The following CASK variants were observed in gnomAD, a reference collection of about 807,000 sequenced individuals.
CASK encodes calcium/calmodulin dependent serine protein kinase, also known as peripheral plasma membrane protein CASK.
CASK carries 4 observed loss-of-function variants against 82.9 expected under a neutral mutation model. That is an observed-to-expected ratio of 0.05 (90% confidence interval 0.02 to 0.11). The LOEUF is 0.11. Among genes scored for constraint, CASK ranks in the 10% least tolerant of loss-of-function variants. CASK has a pLI of 1.00. For synonymous variants in CASK, 259 were observed against 253.5 expected, an observed-to-expected ratio of 1.02 and a Z score of -0.20; for missense variants, 358 against 720.9, an observed-to-expected ratio of 0.50 and a Z score of 5.76.
chrX:41,622,389 T>A, intron 11 of CASK, among the ~76,000 whole-genome samples: 1 of 112,518 alleles, frequency 8.9e-6, no homozygotes, highest in East Asian at 2.8e-4. Flanking sequence ...TTTAACACTG[T>A]CTTTTTTCCT....
At chrX:41,714,541 C>G (rs2068030428) in intron 5 of CASK, among the ~76,000 whole-genome samples, 1 of 111,587 alleles carries the variant, frequency 9.0e-6, no homozygotes, top group African/African-American at 3.3e-5. Flanking sequence ...TAAGATTACC[C>G]AAGCCCACAA....
At chrX:41,586,869 T>G in intron 14 of CASK, 38 bp downstream of exon 14, 2 of 878,007 alleles carry the variant, frequency 2.3e-6, no homozygotes, top group Non-Finnish European at 3.4e-6. Context: ...CTTTTGAAAG[T>G]GAGGTTTCAG....
At chrX:41,792,289 ATTT>A (rs757353818) in intron 2 of CASK, among the ~76,000 whole-genome samples, 20 of 91,386 alleles carry the variant, frequency 2.2e-4, no homozygotes, top group Non-Finnish European at 1.5e-4. Flanking sequence ...TTCAATAAGG[ATTT>A]TTTTTTTTTT....
intron 2 of CASK, among the ~76,000 whole-genome samples, chrX:41,823,923 T>C (rs1002825793): frequency 8.9e-6 from 1 of 111,984 alleles, no homozygotes; most frequent in African/African-American, 3.2e-5. Flanking sequence ...ACCAAAACGA[T>C]GAAGATTTTC....
intron 3 of CASK, chrX:41,786,804 C>T (rs2069616736): frequency 5.2e-6 from 1 of 193,981 alleles, no homozygotes; most frequent in Admixed American, 7.0e-5. Flanking sequence ...CTAAGTCTGT[C>T]GTTACTTGTT....
At chrX:41,574,960 T>C (rs2065465940) in intron 15 of CASK, among the ~76,000 whole-genome samples, 1 of 112,480 alleles carries the variant, frequency 8.9e-6, no homozygotes, top group Non-Finnish European at 1.9e-5. Context: ...TATCAAAATG[T>C]TTCCAGTCCT....
intron 2 of CASK, among the ~76,000 whole-genome samples, chrX:41,809,310 C>A (rs893394646): frequency 2.7e-5 from 3 of 112,272 alleles, no homozygotes; most frequent in African/African-American, 9.7e-5. Flanking sequence ...GTCCCTGACC[C>A]CCAAGTAGCC....
intron 1 of CASK, among the ~76,000 whole-genome samples, chrX:41,900,161 T>C (rs765361589): frequency 2.4e-4 from 27 of 110,761 alleles, no homozygotes; most frequent in Admixed American, 7.7e-4. Flanking sequence ...TTGTAGGTGA[T>C]GGTTTGCTTT....
intron 1 of CASK, among the ~76,000 whole-genome samples, chrX:41,859,577 G>A (rs910868395): frequency 1.8e-5 from 2 of 111,273 alleles, no homozygotes; most frequent in Non-Finnish European, 3.8e-5. Flanking sequence ...TGCATTTTGC[G>A]CTTTTTCTTG....
chrX:41,528,676 TA>T (rs1344449706), intron 25 of CASK, among the ~76,000 whole-genome samples: 3 of 112,004 alleles, frequency 2.7e-5, no homozygotes. Flanking sequence ...TTTGTTGGAT[TA>T]AATTGTCTGT....
chrX:41,765,496 G>A (rs1396213939), intron 3 of CASK, among the ~76,000 whole-genome samples: 2 of 111,641 alleles, frequency 1.8e-5, no homozygotes, highest in Non-Finnish European at 3.8e-5. Flanking sequence ...TCCATCATTA[G>A]GGGAATGGTT....
chrX:41,826,450 G>C (rs2070667574), intron 2 of CASK, among the ~76,000 whole-genome samples: 1 of 111,731 alleles, frequency 9.0e-6, no homozygotes, highest in East Asian at 2.8e-4. Flanking sequence ...ATACTGCTTT[G>C]GCCCTTGGTT....
At chrX:41,570,010 C>CTTTTTTTTTTTTTTTTTTTTTTTTTTTT (rs397937722) in intron 15 of CASK, among the ~76,000 whole-genome samples, 1 of 70,626 alleles carries the variant, frequency 1.4e-5, no homozygotes, top group Non-Finnish European at 2.6e-5. Flanking sequence ...TTTCTTTTTT[C>CTTTTTTTTTTTTTTTTTTTTTTTTTTTT]TTTTTTTTTT....
At chrX:41,827,748 T>C (rs1227238907) in intron 2 of CASK, among the ~76,000 whole-genome samples, 2 of 112,213 alleles carry the variant, frequency 1.8e-5, no homozygotes, top group Non-Finnish European at 3.8e-5. Context: ...TGAACATGTT[T>C]GGTTTTTTAT....
chrX:41,723,421 A>G (rs933899670), intron 5 of CASK, among the ~76,000 whole-genome samples: 1 of 111,957 alleles, frequency 8.9e-6, no homozygotes, highest in Non-Finnish European at 1.9e-5. Context: ...TCACAATTCT[A>G]TTTTTTATTT....
At chrX:41,765,844 T>C (rs1281022532) in intron 3 of CASK, among the ~76,000 whole-genome samples, 1 of 111,893 alleles carries the variant, frequency 8.9e-6, no homozygotes, top group African/African-American at 3.2e-5. Context: ...TGTAATCATA[T>C]ACATGTTTTT....
rs986893232 is a variant in CASK, at chrX:41,857,545, C to T, written c.60-4318G>A. On this transcript the variant is annotated intron_variant, in intron 1 of 26. Transcript: ENST00000378163. Reference sequence around the variant, plus strand: ...CATTAATATCCTCAGAAAGATATCACAATTGTGAAACAAAAACCAGAACTT... The same window carrying T: ...CATTAATATCCTCAGAAAGATATCATAATTGTGAAACAAAAACCAGAACTT... 2.7e-5 allele frequency among the ~76,000 whole-genome samples: 3 copies of T among 111,935 alleles called. No individual in the cohort carries two copies. The East Asian group carries it at 8.3e-4, about 31-fold the overall frequency.
At chrX:41,811,158 C>T (rs1162258584) in intron 2 of CASK, among the ~76,000 whole-genome samples, 2 of 111,422 alleles carry the variant, frequency 1.8e-5, no homozygotes, top group African/African-American at 3.3e-5. Flanking sequence ...CCACTGTCAA[C>T]ATTAGACAGA....
chrX:41,686,638 T>C (rs2067445968), intron 5 of CASK, among the ~76,000 whole-genome samples: 5 of 111,478 alleles, frequency 4.5e-5, no homozygotes. Context: ...ACTAGGACTG[T>C]TGGCAGCCCA....
Sources: gnomAD v4.1 joint callset for allele counts (sites outside exome capture counted in the v4.1 genomes callset) on GRCh38, gnomAD v4.1.1 for gene constraint, MANE v1.5 for transcripts, NCBI Gene and HGNC (gene_info 2026-07-23, HGNC 2026-07-21) for gene names.